Variants in DHX37 observed in about 807,000 individuals in gnomAD.
The protein encoded by DHX37 is DEAH-box helicase 37, also known as probable ATP-dependent RNA helicase DHX37.
In DHX37, 52 loss-of-function variants were observed where a neutral mutation model predicts 134.3. The observed-to-expected ratio is 0.39, with a 90% CI of 0.31 to 0.49. The LOEUF is 0.49. Ranked by LOEUF, DHX37 falls within the 20% of genes least tolerant of loss-of-function variation. DHX37 has a pLI of 0.93. For missense variants in DHX37, 1,344 were observed against 1,580.8 expected (o/e 0.85, Z 2.54); for synonymous variants, 634 against 670.7 (o/e 0.95, Z 0.85).
intron 1 of DHX37, among the ~76,000 whole-genome samples, chr12:124,988,267 T>C (rs1954913420): frequency 6.6e-6 from 1 of 152,108 alleles, no homozygotes; most frequent in South Asian, 2.1e-4. Flanking sequence ...TTTTCTCTCA[T>C]CTCCAGGCAG....
rs1159235757 is a variant in DHX37, at chr12:124,952,568, T to C, written c.2698A>G (p.Asn900Asp). ...RLRGQLTTAVNAVCPEAELFV... is the reference protein window; with the variant it reads ...RLRGQLTTAVDAVCPEAELFV... Reference sequence around the variant, plus strand: ...AGCTCAGCCTCGGGGCACACGGCATTGACTGAGGGGAGAACCAAGAGTGAG... The same window carrying C: ...AGCTCAGCCTCGGGGCACACGGCATCGACTGAGGGGAGAACCAAGAGTGAG... Residue 900 changes from asparagine to aspartate, a missense_variant and splice_region_variant, in exon 21 of 27, where the codon AAT (asparagine) becomes GAT (aspartate). Around this residue, in one of 7 missense-constraint regions of DHX37, gnomAD observed 558 missense variants for 650.0 expected, o/e 0.86. Transcript: ENST00000308736. The C allele has an allele frequency of 4.4e-6, 7 of 1,581,324 alleles. No homozygotes were observed. The highest frequency in any genetic ancestry group is 6.0e-6 in the Non-Finnish European group (7 of 1,158,774).
chr12:124,965,068 G>C (rs745915910), intron 13 of DHX37, 62 bp from the exon 14 acceptor site: 1 of 1,530,472 alleles, frequency 6.5e-7, no homozygotes, highest in Non-Finnish European at 8.9e-7. Context: ...GGCAGGAGCT[G>C]GCCACAGCGG....
At position 124,989,028 on chromosome 12, in the gene DHX37, C is replaced by G; in HGVS notation, c.-6G>C. On this transcript the variant is annotated 5_prime_UTR_variant, in exon 1 of 27. Coordinates refer to ENST00000308736, the MANE Select transcript of DHX37 (RefSeq NM_032656.4). ...CGCCGGCGCAGCTTCCCCATGGCGA[C>G]TAGGCCAGGGTGGGCGCTCCAGCGG... 7.3e-7 allele frequency: 1 copy of G among 1,364,882 alleles called. No individual in the cohort carries two copies. Among genetic ancestry groups the G allele is most frequent in the Non-Finnish European group, 9.5e-7 (1 of 1,051,720 alleles). The allele number at this position is 1,364,882 out of a possible 1,614,324, so 84.5% of individuals were successfully genotyped here. A position where few individuals can be genotyped will look rare whatever the true frequency, so the allele number is the denominator to read the frequency against.
chr12:124,971,573 G>C (rs1265009475), intron 7 of DHX37, 158 bp from the exon 8 acceptor site: 1 of 808,886 alleles, frequency 1.2e-6, no homozygotes, highest in African/African-American at 1.9e-5. Context: ...AGAGTGGGAG[G>C]GCAGGTGGGA....
intron 8 of DHX37, 68 bp from the exon 9 acceptor site, chr12:124,969,036 G>A (rs2135951499): frequency 2.0e-6 from 3 of 1,471,480 alleles, no homozygotes; most frequent in East Asian, 2.4e-5. Context: ...TGGGAAATCG[G>A]CATGGGGGTG....
At position 124,986,219 on chromosome 12, in the gene DHX37, T is replaced by A. The variant is rs371646180; in HGVS notation, c.153A>T (p.Leu51=). The part of the protein sequence containing the change: ...KGVDASNALV[L]PGKKKKKTKA... ...TGGTCTTCTTTTTCTTCTTCCCCGG[T>A]AGAACGAGCGCGTTGCTTGCATCAA... The change falls in exon 2 of 27, where the codon CTA becomes CTT. Residue 51 remains leucine, a synonymous_variant. Coordinates refer to ENST00000308736, the MANE Select transcript of DHX37 (RefSeq NM_032656.4). 1 of 1,614,124 alleles carries A rather than the reference T, an allele frequency of 6.2e-7. No homozygotes were observed. Among genetic ancestry groups the A allele is most frequent in the Non-Finnish European group, 8.5e-7 (1 of 1,180,014 alleles).
chr12:124,970,593 C>T (rs1413569474), intron 8 of DHX37, among the ~76,000 whole-genome samples: 1 of 152,168 alleles, frequency 6.6e-6, no homozygotes, highest in East Asian at 1.9e-4. Flanking sequence ...GCCCTGTGTC[C>T]TCCCTCCACT....
chr12:124,975,889 C>T (rs983833128), intron 5 of DHX37, among the ~76,000 whole-genome samples: 2 of 152,202 alleles, frequency 1.3e-5, no homozygotes, highest in Non-Finnish European at 2.9e-5. Flanking sequence ...AGCTGCTCTC[C>T]CTCGAAAGGC....
intron 15 of DHX37, 86 bp downstream of exon 15, chr12:124,964,308 G>A: frequency 6.3e-7 from 1 of 1,582,704 alleles, no homozygotes; most frequent in Non-Finnish European, 8.5e-7. Context: ...TACAGATGGA[G>A]GTGGGGGTCA....
intron 4 of DHX37, among the ~76,000 whole-genome samples, chr12:124,977,954 A>G (rs112492689): frequency 0.043 from 6,606 of 152,226 alleles, 488 homozygotes; most frequent in African/African-American, 0.15. Context: ...ACACAGGCAC[A>G]TATATGTATC....
intron 21 of DHX37, 130 bp from the exon 22 acceptor site, chr12:124,950,934 G>A (rs1402708267): frequency 6.8e-6 from 9 of 1,314,254 alleles, no homozygotes; most frequent in South Asian, 1.7e-5. Context: ...CATCTGCCGG[G>A]AAATGCGGCC....
At chr12:124,964,786 T>C (rs1954343058) in intron 14 of DHX37, 144 bp downstream of exon 14, 1 of 1,434,024 alleles carries the variant, frequency 7.0e-7, no homozygotes, top group African/African-American at 1.4e-5. Context: ...GGTTCCCTAT[T>C]CTCCAAAACT....
chr12:124,976,509 C>T (rs966411768), intron 5 of DHX37, among the ~76,000 whole-genome samples: 1 of 151,884 alleles, frequency 6.6e-6, no homozygotes, highest in East Asian at 1.9e-4. Flanking sequence ...GTCAGGAGTT[C>T]AAGACCAGCC....
intron 15 of DHX37, among the ~76,000 whole-genome samples, chr12:124,962,852 A>T (rs1325828735): frequency 6.6e-6 from 1 of 152,084 alleles, no homozygotes; most frequent in African/African-American, 2.4e-5. Flanking sequence ...AAAAAAAATT[A>T]AAAAGTGCTG....
At chr12:124,974,814 T>A (rs1184831692) in intron 6 of DHX37, among the ~76,000 whole-genome samples, 1 of 151,882 alleles carries the variant, frequency 6.6e-6, no homozygotes, top group Non-Finnish European at 1.5e-5. Context: ...TTCACTCTTG[T>A]TGCCCATGCT....
chr12:124,972,319 C>A (rs1288503795), intron 7 of DHX37, among the ~76,000 whole-genome samples, 184 bp downstream of exon 7: 1 of 152,244 alleles, frequency 6.6e-6, no homozygotes, highest in Non-Finnish European at 1.5e-5. Flanking sequence ...AAGGAATGCA[C>A]CAACATACTC....
At chr12:124,961,758 A>G (rs1371963286) in intron 15 of DHX37, among the ~76,000 whole-genome samples, 1 of 152,188 alleles carries the variant, frequency 6.6e-6, no homozygotes, top group Non-Finnish European at 1.5e-5. Context: ...TAATAAAAGG[A>G]CAAATAACCT....
At position 124,954,290 on chromosome 12, in the gene DHX37, A is replaced by G. The variant is rs961536319; in HGVS notation, c.2454-79T>C. ...CTCAGCGGGGGGAACTCCTTTATTC[A>G]TCGGGACAGGCTCAGAGGCCTTGTG... On this transcript the variant is annotated intron_variant, in intron 18 of 26. Transcript: ENST00000308736. The G allele has an allele frequency of 3.6e-5, 54 of 1,503,134 alleles. No homozygotes were observed. The African/African-American group carries it at 4.5e-4, about 12-fold the overall frequency. 93.1% of individuals were successfully genotyped at this position (1,503,134 alleles called of 1,614,324 possible). A position where few individuals can be genotyped will look rare whatever the true frequency, so the allele number is the denominator to read the frequency against.
At chr12:124,966,976 C>T (rs950661612) in intron 11 of DHX37, 98 bp from the exon 12 acceptor site, 1 of 1,560,274 alleles carries the variant, frequency 6.4e-7, no homozygotes, top group Non-Finnish European at 8.8e-7. Flanking sequence ...TCAGTGGTGG[C>T]CATTTATTCG....
Sources: allele counts gnomAD v4.1 joint callset (sites outside exome capture counted in the v4.1 genomes callset), GRCh38; gene constraint gnomAD v4.1.1; regional missense constraint gnomAD v4.1.1; transcripts MANE v1.5; gene names NCBI Gene and HGNC (gene_info 2026-07-23, HGNC 2026-07-21).